The following NALF1 variants were observed in gnomAD, a reference collection of about 807,000 sequenced individuals.
NALF1 encodes the protein NALCN channel auxiliary factor 1, also known as family with sequence similarity 155 member A.
In NALF1, 3 loss-of-function variants were observed where a neutral mutation model predicts 48.4. That is an observed-to-expected ratio of 0.06 (90% CI 0.03 to 0.16). The LOEUF is 0.16. Among genes scored for constraint, NALF1 ranks in the 10% least tolerant of loss-of-function variants. The pLI is 1.00. For missense variants in NALF1, 526 were observed against 571.5 expected (o/e 0.92, Z 0.81); for synonymous variants, 262 against 245.7 (o/e 1.07, Z -0.62).
rs1357714888 is a variant in NALF1 at position 107,766,794 on chromosome 13, C to A, written c.915+98888G>T. ...ATCATAGTTGATTTAAAGCAGTTCA[C>A]AGAAAGGCAGAGACTGTGGACTCCT... On this transcript the variant is annotated intron_variant, in intron 1 of 2. Transcript: ENST00000375915. Among the ~76,000 whole-genome samples, 3 of 152,152 alleles carry A rather than the reference C, an allele frequency of 2.0e-5. No homozygotes were observed. In the East Asian group the frequency reaches 5.8e-4, roughly 29 times the overall value.
intron 1 of NALF1, among the ~76,000 whole-genome samples, chr13:107,462,069 G>T (rs1177616892): frequency 6.6e-6 from 1 of 152,060 alleles, no homozygotes; most frequent in East Asian, 1.9e-4. Context: ...CATCTTCCTA[G>T]TATTTCCTGG....
intron 1 of NALF1, among the ~76,000 whole-genome samples, chr13:107,797,861 T>G (rs1275089253): frequency 1.3e-5 from 2 of 152,184 alleles, no homozygotes. Context: ...TTTTTGTTAT[T>G]TTTCTATTCT....
At chr13:107,570,300 C>T (rs890872507) in intron 1 of NALF1, among the ~76,000 whole-genome samples, 2 of 151,934 alleles carry the variant, frequency 1.3e-5, no homozygotes, top group Non-Finnish European at 2.9e-5. Flanking sequence ...ATTCTTCCAC[C>T]ATAAAGTATG....
At chr13:107,305,301 A>G (rs1881913964) in intron 1 of NALF1, among the ~76,000 whole-genome samples, 1 of 152,240 alleles carries the variant, frequency 6.6e-6, no homozygotes, top group Non-Finnish European at 1.5e-5. Flanking sequence ...TCTCATATTT[A>G]TCAGTTCCTT....
intron 1 of NALF1, among the ~76,000 whole-genome samples, chr13:107,655,924 C>T (rs1463844756): frequency 6.6e-6 from 1 of 152,030 alleles, no homozygotes; most frequent in Non-Finnish European, 1.5e-5. Context: ...ACACCCTATT[C>T]AACAAATGGT....
chr13:107,490,738 T>C (rs1279437613), intron 1 of NALF1, among the ~76,000 whole-genome samples: 1 of 152,126 alleles, frequency 6.6e-6, no homozygotes, highest in Non-Finnish European at 1.5e-5. Context: ...GGTCAATATC[T>C]GTATAGTCGT....
chr13:107,607,635 C>T (rs574788235), intron 1 of NALF1, among the ~76,000 whole-genome samples: 53 of 152,284 alleles, frequency 3.5e-4, no homozygotes, highest in African/African-American at 1.1e-3. Flanking sequence ...CTCCCTCCTG[C>T]TCTGTGATAT....
chr13:107,209,601 G>A (rs963140938), intron 2 of NALF1, among the ~76,000 whole-genome samples: 4 of 152,096 alleles, frequency 2.6e-5, no homozygotes, highest in Admixed American at 6.5e-5. Context: ...TAATGAATAC[G>A]TATGTAAATA....
chr13:107,837,614 G>A (rs952068377), intron 1 of NALF1, among the ~76,000 whole-genome samples: 1 of 152,096 alleles, frequency 6.6e-6, no homozygotes, highest in Non-Finnish European at 1.5e-5. Context: ...AAATATCAAA[G>A]CTTGAGTGAC....
intron 1 of NALF1, among the ~76,000 whole-genome samples, chr13:107,522,205 T>C (rs752486846): frequency 7.2e-5 from 11 of 152,182 alleles, no homozygotes; most frequent in Non-Finnish European, 1.5e-4. Flanking sequence ...CTGGGCCTTA[T>C]GTTCCCTCTT....
intron 1 of NALF1, among the ~76,000 whole-genome samples, chr13:107,575,648 G>A (rs191541222): frequency 6.6e-5 from 10 of 152,136 alleles, no homozygotes; most frequent in East Asian, 5.8e-4. Context: ...TGCATTCCTC[G>A]GGATCCTTTC....
chr13:107,318,999 G>A (rs1882202739), intron 1 of NALF1, among the ~76,000 whole-genome samples: 1 of 152,050 alleles, frequency 6.6e-6, no homozygotes, highest in Admixed American at 6.6e-5. Flanking sequence ...ACGTATGATT[G>A]TCCAGAAAAT....
intron 1 of NALF1, among the ~76,000 whole-genome samples, chr13:107,646,021 G>C (rs1880305758): frequency 6.6e-6 from 1 of 152,052 alleles, no homozygotes; most frequent in Admixed American, 6.6e-5. Flanking sequence ...ATCACACTAT[G>C]GGGAAAACAG....
chr13:107,738,794 G>T (rs930719944), intron 1 of NALF1, among the ~76,000 whole-genome samples: 1 of 151,964 alleles, frequency 6.6e-6, no homozygotes. Context: ...CTCCCGAGTA[G>T]GTGGGACTAC....
At chr13:107,409,196 T>C (rs1454292582) in intron 1 of NALF1, among the ~76,000 whole-genome samples, 1 of 152,090 alleles carries the variant, frequency 6.6e-6, no homozygotes, top group African/African-American at 2.4e-5. Context: ...AGTAAAATAA[T>C]GAAAAATCAA....
intron 1 of NALF1, among the ~76,000 whole-genome samples, chr13:107,263,249 GACACACACACACACACACACACACAC>G (rs34637583): frequency 7.2e-6 from 1 of 138,368 alleles, no homozygotes; most frequent in Non-Finnish European, 1.6e-5. Context: ...AATGCTAACA[GACACACACACACACACACACACACAC>G]ACACACACAC....
chr13:107,458,013 T>C lies in NALF1; in HGVS notation c.916-247258A>G, dbSNP rs184491903. ...AGCCTGATCTTAATCTCTCATACTC[T>C]ATCCCCTTGTCCTCTCACTGCCCTC... On this transcript the variant is annotated intron_variant, in intron 1 of 2. Coordinates refer to ENST00000375915, the MANE Select transcript of NALF1 (RefSeq NM_001080396.3). Among the ~76,000 whole-genome samples, 353 of 145,654 alleles carry C rather than the reference T, an allele frequency of 2.4e-3. 12 individuals are homozygous for C. The East Asian group carries it at 0.059, about 24-fold the overall frequency.
chr13:107,423,541 T>C (rs1437220601), intron 1 of NALF1, among the ~76,000 whole-genome samples: 1 of 152,056 alleles, frequency 6.6e-6, no homozygotes, highest in Non-Finnish European at 1.5e-5. Flanking sequence ...AAGCAGCAAA[T>C]ATTATTTCAA....
chr13:107,218,566 CT>C (rs1440211284), intron 1 of NALF1, among the ~76,000 whole-genome samples: 1 of 152,282 alleles, frequency 6.6e-6, no homozygotes, highest in East Asian at 1.9e-4. Context: ...CTAAGAATCC[CT>C]TTTCATATGA....
Sources: gnomAD v4.1 joint callset for allele counts (sites outside exome capture counted in the v4.1 genomes callset) on GRCh38, gnomAD v4.1.1 for gene constraint, MANE v1.5 for transcripts, NCBI Gene and HGNC (gene_info 2026-07-23, HGNC 2026-07-21) for gene names.